RALYL: variants seen among roughly 807,000 people sequenced by gnomAD.
RALYL encodes the protein RNA-binding Raly-like protein.
Under a neutral mutation model 35.1 loss-of-function variants are expected in RALYL, and 29 were observed. That is an observed-to-expected ratio of 0.83 (90% CI 0.61 to 1.13). RALYL has a LOEUF of 1.13. Among genes scored for constraint, RALYL ranks in the 50% most tolerant of loss-of-function variants. The probability of loss-of-function intolerance (pLI) is 0.00; values close to 1 mark genes in which losing one functional copy is unlikely to be tolerated. For synonymous variants in RALYL, 120 were observed against 127.6 expected, an observed-to-expected ratio of 0.94 and a Z score of 0.40; for missense variants, 359 against 360.4, an observed-to-expected ratio of 1.00 and a Z score of 0.03.
chr8:84,566,846 C>T lies in RALYL; in HGVS notation c.256+37269C>T, dbSNP rs1245244106. ...TTATTGAAACTTGGCCCCAATTTTC[C>T]CAGCTTTTTAAATTACAGAATTATG... On this transcript the variant is annotated intron_variant, in intron 2 of 8. Coordinates refer to ENST00000521268, the MANE Select transcript of RALYL (RefSeq NM_173848.7). Among the ~76,000 whole-genome samples the T allele has an allele frequency of 2.6e-5, 4 of 151,630 alleles. No homozygotes were observed. In the South Asian group the frequency reaches 8.3e-4, roughly 31 times the overall value.
chr8:84,627,376 G>A (rs1822963043), intron 2 of RALYL, among the ~76,000 whole-genome samples: 1 of 148,754 alleles, frequency 6.7e-6, no homozygotes, highest in South Asian at 2.2e-4. Context: ...CTGGGAGGAA[G>A]CCTCAATGGA....
At chr8:84,281,521 C>A (rs1836554556) in intron 1 of RALYL, among the ~76,000 whole-genome samples, 1 of 149,786 alleles carries the variant, frequency 6.7e-6, no homozygotes, top group Non-Finnish European at 1.5e-5. Context: ...TGGCACTGTT[C>A]ATTCACCTGA....
chr8:84,764,125 T>A (rs1204954531), intron 2 of RALYL, among the ~76,000 whole-genome samples: 3 of 152,178 alleles, frequency 2.0e-5, no homozygotes, highest in African/African-American at 4.8e-5. Context: ...AGAAACCACC[T>A]CATATACCAA....
intron 1 of RALYL, among the ~76,000 whole-genome samples, chr8:84,220,041 T>TA (rs1482453020): frequency 1.3e-5 from 2 of 152,070 alleles, no homozygotes; most frequent in African/African-American, 4.8e-5. Flanking sequence ...TGTCAATGAA[T>TA]GTTCTACTAG....
At chr8:84,239,091 TG>T in intron 1 of RALYL, among the ~76,000 whole-genome samples, 1 of 152,296 alleles carries the variant, frequency 6.6e-6, no homozygotes, top group East Asian at 1.9e-4. Flanking sequence ...TGCTTCAAAA[TG>T]GCTTGAGGCT....
At chr8:84,533,501 T>A (rs1015804238) in intron 2 of RALYL, among the ~76,000 whole-genome samples, 2 of 152,194 alleles carry the variant, frequency 1.3e-5, no homozygotes, top group Non-Finnish European at 2.9e-5. Flanking sequence ...TTCTTTATAT[T>A]CGGATTATTT....
intron 2 of RALYL, among the ~76,000 whole-genome samples, chr8:84,599,175 A>G (rs1815306814): frequency 6.6e-6 from 1 of 152,094 alleles, no homozygotes. Flanking sequence ...ATATTTAAAC[A>G]ACTCTGCTTG....
intron 3 of RALYL, among the ~76,000 whole-genome samples, chr8:84,796,105 G>A (rs1161796467): frequency 6.6e-6 from 1 of 152,200 alleles, no homozygotes; most frequent in African/African-American, 2.4e-5. Flanking sequence ...CTTGACCAAA[G>A]AAGCTGACTG....
chr8:84,680,409 C>A (rs1296551417), intron 2 of RALYL, among the ~76,000 whole-genome samples: 1 of 152,062 alleles, frequency 6.6e-6, no homozygotes, highest in African/African-American at 2.4e-5. Context: ...GTACTAGATC[C>A]CTGAGGAATC....
intron 2 of RALYL, among the ~76,000 whole-genome samples, chr8:84,702,257 T>C (rs1365499062): frequency 6.6e-6 from 1 of 152,130 alleles, no homozygotes; most frequent in Non-Finnish European, 1.5e-5. Flanking sequence ...ACATTACTAG[T>C]GACACCATAG....
chr8:84,275,271 G>A (rs1835135680), intron 1 of RALYL, among the ~76,000 whole-genome samples: 1 of 151,956 alleles, frequency 6.6e-6, no homozygotes, highest in African/African-American at 2.4e-5. Flanking sequence ...TTTTGTGCAT[G>A]TATATTAAAT....
chr8:84,916,193 A>G (rs1168238506), intron 8 of RALYL, among the ~76,000 whole-genome samples: 1 of 152,178 alleles, frequency 6.6e-6, no homozygotes, highest in Non-Finnish European at 1.5e-5. Context: ...TCCTATAAGT[A>G]TTATAAAGTG....
In RALYL at chr8:84,360,634, G is replaced by T. The variant is rs1055774970; in HGVS notation, c.-23-168665G>T. 1.4e-4 allele frequency among the ~76,000 whole-genome samples: 21 copies of T among 152,172 alleles called. 1 individual carries two copies. Among genetic ancestry groups the T allele is most frequent in the African/African-American group, 4.8e-4 (20 of 41,456 alleles). ...AAAGGAAATTTTACTTAGATATGAA[G>T]AAATGTTTCCTGGTGTGGAAAGGAA... On this transcript the variant is annotated intron_variant, in intron 1 of 8. Coordinates refer to ENST00000521268, the MANE Select transcript of RALYL (RefSeq NM_173848.7).
intron 1 of RALYL, among the ~76,000 whole-genome samples, chr8:84,345,141 T>C (rs1399575921): frequency 1.3e-5 from 2 of 151,376 alleles, no homozygotes; most frequent in Admixed American, 6.6e-5. Context: ...TTTCCCATAA[T>C]GGCCATACTA....
chr8:84,606,829 G>T (rs1817246387), intron 2 of RALYL, among the ~76,000 whole-genome samples: 2 of 152,058 alleles, frequency 1.3e-5, no homozygotes, highest in Admixed American at 1.3e-4. Flanking sequence ...TTTGTTTAAG[G>T]TCTTTATATA....
rs577504589 is a variant in RALYL, at chr8:84,668,971, A to G, written c.257-105608A>G. Among the ~76,000 whole-genome samples, 4 of 152,156 alleles carry G rather than the reference A, an allele frequency of 2.6e-5. No individual in the cohort carries two copies. In the South Asian group the frequency reaches 8.3e-4, roughly 32 times the overall value. ...AACACATCCATCCATCCATCCATCC[A>G]TCCATCCATCCATCCATCCATCCAT... On this transcript the variant is annotated intron_variant, in intron 2 of 8. Transcript: ENST00000521268.
chr8:84,735,477 C>T (rs1174439955), intron 2 of RALYL, among the ~76,000 whole-genome samples: 1 of 151,988 alleles, frequency 6.6e-6, no homozygotes, highest in Non-Finnish European at 1.5e-5. Context: ...GTGTCAGTCA[C>T]CTCCACCCCA....
At chr8:84,239,520 C>T (rs980875050) in intron 1 of RALYL, among the ~76,000 whole-genome samples, 1 of 152,096 alleles carries the variant, frequency 6.6e-6, no homozygotes, top group African/African-American at 2.4e-5. Context: ...TTCCATTGTA[C>T]AGATGAGGAA....
chr8:84,475,079 G>A (rs2053239766), intron 1 of RALYL, among the ~76,000 whole-genome samples: 1 of 151,492 alleles, frequency 6.6e-6, no homozygotes, highest in Non-Finnish European at 1.5e-5. Context: ...CCCAGTGACA[G>A]GCCTTGGTGT....
Sources: gnomAD v4.1 joint callset for allele counts (sites outside exome capture counted in the v4.1 genomes callset) on GRCh38, gnomAD v4.1.1 for gene constraint, MANE v1.5 for transcripts, NCBI Gene and HGNC (gene_info 2026-07-23, HGNC 2026-07-21) for gene names.